The following PDE1C variants were observed in gnomAD, a reference collection of about 807,000 sequenced individuals.
The protein encoded by PDE1C is dual specificity calcium/calmodulin-dependent 3',5'-cyclic nucleotide phosphodiesterase 1C.
A neutral mutation model predicts 93.1 loss-of-function variants in PDE1C; 62 were observed. That is an observed-to-expected ratio of 0.67 (90% confidence interval 0.54 to 0.82). The LOEUF is 0.82. Among genes scored for constraint, PDE1C ranks in the 40% least tolerant of loss-of-function variants. PDE1C has a pLI of 0.00. For missense variants in PDE1C, 742 were observed against 884.6 expected, an observed-to-expected ratio of 0.84 and a Z score of 2.04; for synonymous variants, 325 against 310.1, an observed-to-expected ratio of 1.05 and a Z score of -0.50.
At chr7:31,813,433 G>A (rs183027052) in intron 15 of PDE1C, among the ~76,000 whole-genome samples, 60 of 152,182 alleles carry the variant, frequency 3.9e-4, no homozygotes, top group Non-Finnish European at 1.9e-4. Flanking sequence ...AAAATGTAAA[G>A]AAGCCCATGT....
the PDE1C span, among the ~76,000 whole-genome samples, chr7:31,620,778 G>A: frequency 2.3e-3 from 353 of 152,316 alleles, 4 homozygotes; most frequent in East Asian, 0.043. Context: ...TTGAGGAGGC[G>A]AGAGAAGAAG....
At chr7:32,052,537 A>G (rs1414931379) in intron 1 of PDE1C, among the ~76,000 whole-genome samples, 1 of 152,296 alleles carries the variant, frequency 6.6e-6, no homozygotes, top group South Asian at 2.1e-4. Context: ...AAGAAAATCC[A>G]TCTCCTTGTA....
intron 17 of PDE1C, among the ~76,000 whole-genome samples, chr7:31,760,453 G>T (rs567262823): frequency 6.6e-6 from 1 of 152,186 alleles, no homozygotes; most frequent in African/African-American, 2.4e-5. Flanking sequence ...AGTTCAATAT[G>T]ATTTCCCATA....
In PDE1C at chr7:31,899,398, A is replaced by G. The variant is rs186826515; in HGVS notation, c.129-18538T>C. 6.4e-3 allele frequency among the ~76,000 whole-genome samples: 969 copies of G among 152,118 alleles called. 6 individuals carry two copies. Among genetic ancestry groups the G allele is most frequent in the African/African-American group, 0.023 (936 of 41,486 alleles). ...CATGATCCACCCTCCTTGGCCTCCC[A>G]AAGTGCTGGGATTACAGGCGTAAGT... On this transcript the variant is annotated intron_variant, in intron 2 of 17. Transcript: ENST00000396191.
intron 7 of PDE1C, among the ~76,000 whole-genome samples, chr7:31,862,329 T>C (rs1794778406): frequency 6.6e-6 from 1 of 152,220 alleles, no homozygotes. Flanking sequence ...CCTCTTAACT[T>C]GTCCATTATC....
intron 2 of PDE1C, among the ~76,000 whole-genome samples, chr7:31,972,277 G>T (rs1284259410): frequency 6.6e-6 from 1 of 152,174 alleles, no homozygotes; most frequent in African/African-American, 2.4e-5. Context: ...TTATTCAGAT[G>T]ATATCTAAAA....
At chr7:32,124,998 T>G (rs1431065007) in intron 3 of PDE1C, among the ~76,000 whole-genome samples, 1 of 151,904 alleles carries the variant, frequency 6.6e-6, no homozygotes, top group Admixed American at 6.6e-5. Context: ...TATCCAGAAT[T>G]TACAAGGAAC....
the PDE1C span, among the ~76,000 whole-genome samples, chr7:31,634,846 G>A: frequency 1.2e-4 from 18 of 152,198 alleles, no homozygotes; most frequent in Non-Finnish European, 1.9e-4. Flanking sequence ...GGCCCCACTG[G>A]AGCAGAGTAA....
chr7:31,902,808 T>C (rs1800146835), intron 2 of PDE1C, among the ~76,000 whole-genome samples: 1 of 151,188 alleles, frequency 6.6e-6, no homozygotes, highest in Non-Finnish European at 1.5e-5. Flanking sequence ...AATATTGATA[T>C]ACTATTTATA....
chr7:32,380,114 T>C (rs913788888), intron 1 of PDE1C, among the ~76,000 whole-genome samples: 1 of 152,228 alleles, frequency 6.6e-6, no homozygotes, highest in Non-Finnish European at 1.5e-5. Context: ...CCCACGCTTG[T>C]TTTCCCACAT....
the PDE1C span, among the ~76,000 whole-genome samples, chr7:31,649,322 A>C: frequency 5.9e-5 from 9 of 152,212 alleles, no homozygotes; most frequent in Non-Finnish European, 1.0e-4. Context: ...ACTTCCTAGA[A>C]ACAGGGCTAG....
chr7:32,088,768 A>G (rs1015091168), intron 3 of PDE1C, among the ~76,000 whole-genome samples: 4 of 151,608 alleles, frequency 2.6e-5, no homozygotes, highest in Non-Finnish European at 5.9e-5. Flanking sequence ...ATGGTTCAGG[A>G]AAGAAGCAGT....
At chr7:32,419,216 G>T (rs1212905434) in intron 1 of PDE1C, among the ~76,000 whole-genome samples, 1 of 152,178 alleles carries the variant, frequency 6.6e-6, no homozygotes, top group Non-Finnish European at 1.5e-5. Flanking sequence ...GGGGAACAAA[G>T]CTTGGAAGAA....
At chr7:31,901,835 A>G (rs1408350022) in intron 2 of PDE1C, among the ~76,000 whole-genome samples, 1 of 151,770 alleles carries the variant, frequency 6.6e-6, no homozygotes, top group Non-Finnish European at 1.5e-5. Flanking sequence ...GGACTTATAT[A>G]TGATAAATTT....
In PDE1C at chr7:32,140,006, T is replaced by A. The variant is rs576858022; in HGVS notation, c.308+29779A>T. 2.6e-5 allele frequency among the ~76,000 whole-genome samples: 4 copies of A among 152,290 alleles called. No individual in the cohort carries two copies. The South Asian group carries it at 8.3e-4, about 32-fold the overall frequency. On this transcript the variant is annotated intron_variant, in intron 3 of 18. Coordinates refer to the PDE1C transcript ENST00000396193. Reference sequence around the variant, plus strand: ...GCTCAGCCTCTGAACCAACCAATCCTGGAGTTATCCTACTACTATTCTTCT... The same window carrying A: ...GCTCAGCCTCTGAACCAACCAATCCAGGAGTTATCCTACTACTATTCTTCT...
intron 16 of PDE1C, among the ~76,000 whole-genome samples, chr7:31,805,747 T>G (rs1786740348): frequency 6.6e-6 from 1 of 151,844 alleles, no homozygotes; most frequent in South Asian, 2.1e-4. Context: ...AAAGCCATCT[T>G]GGTCTTCTTG....
At chr7:31,660,094 T>A in the PDE1C span, among the ~76,000 whole-genome samples, 1 of 152,182 alleles carries the variant, frequency 6.6e-6, no homozygotes, top group African/African-American at 2.4e-5. Context: ...AAGAAGGACA[T>A]GTTTGCTTCA....
At chr7:31,779,452 G>C (rs1783237631) in intron 16 of PDE1C, among the ~76,000 whole-genome samples, 1 of 152,144 alleles carries the variant, frequency 6.6e-6, no homozygotes, top group African/African-American at 2.4e-5. Flanking sequence ...TTTTCGTAGA[G>C]GTAGCTTTTC....
chr7:32,398,132 TGCAG>T (rs1198572797), intron 1 of PDE1C, among the ~76,000 whole-genome samples: 1 of 146,808 alleles, frequency 6.8e-6, no homozygotes, highest in Admixed American at 6.8e-5. Context: ...CAGCCTGGGC[TGCAG>T]AGCAAGACTC....
Sources: allele counts gnomAD v4.1 joint callset (sites outside exome capture counted in the v4.1 genomes callset), GRCh38; gene constraint gnomAD v4.1.1; transcripts MANE v1.5; gene names NCBI Gene and HGNC (gene_info 2026-07-23, HGNC 2026-07-21).